Variants in PRDM1 observed in about 807,000 individuals in gnomAD.
PRDM1 encodes the protein PR domain zinc finger protein 1.
A neutral mutation model predicts 62.8 loss-of-function variants in PRDM1; 13 were observed. The ratio of observed to expected loss-of-function variants is 0.21; its 90% confidence interval spans 0.13 to 0.33. PRDM1 has a LOEUF of 0.33. PRDM1 is among the 10% of genes least tolerant of loss of function. The pLI, the probability that PRDM1 is intolerant of heterozygous loss-of-function variation, is 1.00. For synonymous variants in PRDM1, 396 were observed against 417.6 expected (o/e 0.95, Z 0.63); for missense variants, 895 against 1,058.8 (o/e 0.85, Z 2.15).
chr6:106,035,968 A>G (rs1252339251), intron 1 of PRDM1, among the ~76,000 whole-genome samples: 1 of 152,048 alleles, frequency 6.6e-6, no homozygotes, highest in Non-Finnish European at 1.5e-5. Context: ...GGGTTTCACC[A>G]TGTTTCTCAG....
intron 3 of PRDM1, among the ~76,000 whole-genome samples, chr6:106,096,798 TC>T (rs1269446941): frequency 6.6e-6 from 1 of 152,204 alleles, no homozygotes; most frequent in African/African-American, 2.4e-5. Flanking sequence ...CTTTCCTTCT[TC>T]CCATAGATGT....
rs745456432 is a variant in PRDM1 at position 106,106,596 on chromosome 6, C to T, written c.1902+97C>T. The T allele has an allele frequency of 6.6e-7, 1 of 1,505,968 alleles. No homozygotes were observed. Among genetic ancestry groups the T allele is most frequent in the Non-Finnish European group, 9.0e-7 (1 of 1,109,922 alleles). 93.3% of individuals were successfully genotyped at this position (1,505,968 alleles called of 1,614,324 possible). On this transcript the variant is annotated intron_variant, in intron 6 of 6. Coordinates refer to ENST00000369096, the MANE Select transcript of PRDM1 (RefSeq NM_001198.4). The surrounding 1 kb of genome is among the most constrained non-coding windows in gnomAD (Gnocchi z 4.4). ...ATATAGCCCGTAGTTAAAGCCAACA[C>T]CAGATTCTGCGTTGTCCCATCCTGG...
chr6:106,044,464 T>C (rs1773045250), upstream of PRDM1, among the ~76,000 whole-genome samples: 1 of 152,184 alleles, frequency 6.6e-6, no homozygotes, highest in South Asian at 2.1e-4. Flanking sequence ...GTAAAATAGA[T>C]AGTATTGAAC....
At chr6:106,097,356 GT>G (rs1366851984) in intron 3 of PRDM1, among the ~76,000 whole-genome samples, 1 of 152,212 alleles carries the variant, frequency 6.6e-6, no homozygotes, top group East Asian at 1.9e-4. Flanking sequence ...CCAGTTCCCT[GT>G]TTCATTTAAA....
intron 1 of PRDM1, among the ~76,000 whole-genome samples, chr6:106,066,446 T>C (rs1773434831): frequency 6.6e-6 from 1 of 152,140 alleles, no homozygotes; most frequent in Non-Finnish European, 1.5e-5. Context: ...AAGTAGGCAG[T>C]TTTGTGAAGG....
At chr6:106,016,088 T>G (rs1400560121) in intron 1 of PRDM1, among the ~76,000 whole-genome samples, 1 of 152,228 alleles carries the variant, frequency 6.6e-6, no homozygotes. Flanking sequence ...CTTTTGTATG[T>G]GGCTTATTTC....
intron 1 of PRDM1, among the ~76,000 whole-genome samples, chr6:106,033,568 G>A (rs1772879699): frequency 1.3e-5 from 2 of 151,886 alleles, no homozygotes. Context: ...CTCCCACCTA[G>A]GCCTCCCAAA....
chr6:106,085,433 G>A (rs1192511126), upstream of PRDM1, among the ~76,000 whole-genome samples: 2 of 152,212 alleles, frequency 1.3e-5, no homozygotes, highest in Non-Finnish European at 2.9e-5. Context: ...AGGAAGTAAA[G>A]CATCTGGTTT....
In PRDM1 at chr6:106,012,071, A is replaced by C. The variant is rs561497387; in HGVS notation, c.-67+18432A>C. Among the ~76,000 whole-genome samples, 21 of 122,970 alleles carry C rather than the reference A, an allele frequency of 1.7e-4. No individual in the cohort carries two copies. The South Asian group carries it at 5.5e-3, about 32-fold the overall frequency. 80.7% of individuals were successfully genotyped at this position (122,970 alleles called of 152,430 possible). On this transcript the variant is annotated intron_variant, in intron 1 of 6. Transcript: ENST00000652320. ...CCTCCACATTCACACACCACACTAC[A>C]CACACACACAAACATACCACACACA... is the stretch of plus-strand genomic sequence containing the variant.
chr6:106,049,205 C>G (rs1394595382), intron 1 of PRDM1, among the ~76,000 whole-genome samples: 1 of 152,162 alleles, frequency 6.6e-6, no homozygotes, highest in East Asian at 1.9e-4. Context: ...ACAGAGAGAA[C>G]AGATGCTGTT....
rs1470083029 is a variant in PRDM1, at chr6:106,088,473, G to T, written c.291+24G>T. ...AGGTAAGCCTCTGGTTTATTGACAA[G>T]AAGATTGGGGACCTGGTGCCAAATC... On this transcript the variant is annotated intron_variant, in intron 2 of 6. Coordinates refer to ENST00000369096, the MANE Select transcript of PRDM1 (RefSeq NM_001198.4). 3.1e-6 allele frequency: 5 copies of T among 1,613,326 alleles called. No individual in the cohort carries two copies. In the African/African-American group the frequency reaches 6.7e-5, roughly 22 times the overall value.
intron 1 of PRDM1, among the ~76,000 whole-genome samples, chr6:106,036,134 C>T (rs951142150): frequency 6.6e-6 from 1 of 151,968 alleles, no homozygotes; most frequent in African/African-American, 2.4e-5. Flanking sequence ...GCATTACTGT[C>T]TCTTTAGAAT....
rs73772591 is a variant in PRDM1 at position 106,108,654 on chromosome 6, C to T, written c.*1168C>T. 518 of 231,888 alleles carry T rather than the reference C, an allele frequency of 2.2e-3. 6 individuals carry two copies. Among genetic ancestry groups the T allele is most frequent in the African/African-American group, 0.011 (497 of 44,996 alleles). 14.4% of individuals were successfully genotyped at this position (231,888 alleles called of 1,614,324 possible). On this transcript the variant is annotated 3_prime_UTR_variant, in exon 7 of 7. Coordinates refer to ENST00000369096, the MANE Select transcript of PRDM1 (RefSeq NM_001198.4). ...AACAACAAAAAACGGGTATTCTAGT[C>T]ATCTTGGGGTAAAAGCGGGTAATGA...
intron 1 of PRDM1, among the ~76,000 whole-genome samples, chr6:106,051,388 G>C (rs1773171811): frequency 1.3e-5 from 2 of 152,208 alleles, no homozygotes; most frequent in African/African-American, 4.8e-5. Context: ...CCCAAACTAG[G>C]AGAGTGGACT....
intron 1 of PRDM1, among the ~76,000 whole-genome samples, chr6:106,056,870 T>G (rs1773275012): frequency 3.2e-5 from 1 of 30,964 alleles, no homozygotes; most frequent in Non-Finnish European, 7.1e-5. Context: ...GTGTTTGTTA[T>G]TTGGCTTGGG....
At chr6:106,056,255 C>T (rs1409149296) in intron 1 of PRDM1, among the ~76,000 whole-genome samples, 1 of 152,002 alleles carries the variant, frequency 6.6e-6, no homozygotes, top group Non-Finnish European at 1.5e-5. Flanking sequence ...CCCTCAGCAG[C>T]GAAATGGGAG....
intron 1 of PRDM1, among the ~76,000 whole-genome samples, chr6:106,067,200 T>G (rs1400417475): frequency 6.6e-6 from 1 of 152,210 alleles, no homozygotes; most frequent in Non-Finnish European, 1.5e-5. Flanking sequence ...TTCCACATTG[T>G]TAATCATTTG....
intron 1 of PRDM1, among the ~76,000 whole-genome samples, chr6:106,052,556 A>G (rs564993588): frequency 6.6e-6 from 1 of 152,280 alleles, no homozygotes; most frequent in South Asian, 2.1e-4. Flanking sequence ...GTATTAAATT[A>G]ACAATTGTTT....
intron 1 of PRDM1, among the ~76,000 whole-genome samples, chr6:106,064,725 C>T (rs188087737): frequency 2.8e-4 from 42 of 152,222 alleles, no homozygotes; most frequent in Non-Finnish European, 5.4e-4. Flanking sequence ...TGGCCAAAGT[C>T]CTTACAGATG....
Sources: gnomAD v4.1 joint callset for allele counts (sites outside exome capture counted in the v4.1 genomes callset) on GRCh38, gnomAD v4.1.1 for gene constraint, Gnocchi (gnomAD v3.1) non-coding constraint, MANE v1.5 for transcripts, NCBI Gene and HGNC (gene_info 2026-07-23, HGNC 2026-07-21) for gene names.